Variants in CHST9 observed in about 807,000 individuals in gnomAD.
CHST9 encodes GalNAc-4-sulfotransferase 2.
A neutral mutation model predicts 44.4 loss-of-function variants in CHST9; 41 were observed. The observed-to-expected ratio is 0.92, with a 90% CI of 0.72 to 1.20. CHST9 has a LOEUF of 1.20. CHST9 is among the 50% of genes most tolerant of loss of function. The pLI is 0.00. For missense variants in CHST9, 504 were observed against 516.5 expected (o/e 0.98, Z 0.23); for synonymous variants, 171 against 178.4 (o/e 0.96, Z 0.33).
At chr18:27,157,319 T>A (rs373606814) in intron 1 of CHST9, among the ~76,000 whole-genome samples, 7 of 152,174 alleles carry the variant, frequency 4.6e-5, no homozygotes, top group East Asian at 1.9e-4. Flanking sequence ...CATAAAACTC[T>A]ATAAAACACT....
At chr18:27,006,731 T>C (rs1154206) in intron 4 of CHST9, among the ~76,000 whole-genome samples, 101,112 of 152,016 alleles carry the variant, frequency 0.67, 34,416 homozygotes, top group African/African-American at 0.81. Context: ...AATTTTTAGA[T>C]GTTATTTCGG....
intron 2 of CHST9, among the ~76,000 whole-genome samples, chr18:27,102,681 G>T (rs1367460523): frequency 6.6e-6 from 1 of 152,164 alleles, no homozygotes; most frequent in East Asian, 1.9e-4. Flanking sequence ...CTTTGGATGA[G>T]ATTGGGTTCC....
Position 26,916,604 on chromosome 18 carries a change from C to T in CHST9, c.987G>A (p.Lys329=), listed in dbSNP as rs781009083. ...EEALINGSGV[K]FKEFIHYLLD... is the part of the protein sequence containing the mutation. The stretch of plus-strand genomic sequence containing the variant: ...GCAAGTAGTGGATAAACTCTTTGAA[C>T]TTGACTCCAGATCCATTAATTAATG... Residue 329 remains lysine (K), a synonymous_variant, in exon 6 of 6, where the codon AAG becomes AAA. Transcript: ENST00000618847. 1.2e-6 allele frequency: 2 copies of T among 1,613,832 alleles called. No homozygotes were observed. Among genetic ancestry groups the T allele is most frequent in the South Asian group, 2.2e-5 (2 of 91,072 alleles).
intron 4 of CHST9, among the ~76,000 whole-genome samples, chr18:27,003,617 C>T (rs2056979069): frequency 6.6e-6 from 1 of 152,098 alleles, no homozygotes; most frequent in African/African-American, 2.4e-5. Flanking sequence ...GTTGCTGAGA[C>T]ATCTGATATT....
intron 2 of CHST9, among the ~76,000 whole-genome samples, chr18:27,067,777 G>A (rs551295394): frequency 1.3e-5 from 2 of 152,246 alleles, no homozygotes; most frequent in African/African-American, 2.4e-5. Context: ...TGCCTGTCCA[G>A]TTTAGTTTAT....
At chr18:27,000,800 C>T (rs1214405166) in intron 4 of CHST9, among the ~76,000 whole-genome samples, 3 of 152,296 alleles carry the variant, frequency 2.0e-5, no homozygotes, top group East Asian at 3.9e-4. Context: ...ACATCTCCAA[C>T]TCCCTCCTAC....
intron 3 of CHST9, among the ~76,000 whole-genome samples, chr18:27,047,413 T>TGTGC (rs2057515321): frequency 6.6e-6 from 1 of 151,772 alleles, no homozygotes; most frequent in Non-Finnish European, 1.5e-5. Context: ...TGTGTGTGTG[T>TGTGC]GTGTGTGTTC....
At chr18:27,137,243 AATTG>A (rs1406862386) in intron 2 of CHST9, among the ~76,000 whole-genome samples, 3 of 151,068 alleles carry the variant, frequency 2.0e-5, no homozygotes, top group Non-Finnish European at 2.9e-5. Context: ...ATTGACTCAT[AATTG>A]ATTATATTGA....
At chr18:27,025,257 A>T (rs1167552850) in intron 3 of CHST9, among the ~76,000 whole-genome samples, 1 of 150,702 alleles carries the variant, frequency 6.6e-6, no homozygotes, top group Non-Finnish European at 1.5e-5. Flanking sequence ...ATGCCTTTTA[A>T]AAAATATCTT....
chr18:26,920,324 C>G (rs1444857129), intron 5 of CHST9, among the ~76,000 whole-genome samples: 1 of 152,206 alleles, frequency 6.6e-6, no homozygotes, highest in South Asian at 2.1e-4. Context: ...GCATGACTGG[C>G]TCTTCATTCT....
intron 5 of CHST9, among the ~76,000 whole-genome samples, chr18:26,929,529 A>C (rs1446060177): frequency 6.6e-6 from 1 of 152,192 alleles, no homozygotes; most frequent in African/African-American, 2.4e-5. Context: ...CCAACTTCAG[A>C]TTAAGATGAC....
At chr18:27,086,458 A>C (rs1201254485) in intron 2 of CHST9, among the ~76,000 whole-genome samples, 1 of 152,226 alleles carries the variant, frequency 6.6e-6, no homozygotes, top group African/African-American at 2.4e-5. Flanking sequence ...CTCATTCCTA[A>C]TTGAGTATTT....
intron 2 of CHST9, among the ~76,000 whole-genome samples, chr18:27,130,747 A>C: frequency 6.6e-6 from 1 of 152,234 alleles, no homozygotes; most frequent in East Asian, 1.9e-4. Context: ...TATTCATATA[A>C]TGAAATATTA....
chr18:27,024,988 T>C (rs1291915760), intron 3 of CHST9, among the ~76,000 whole-genome samples: 2 of 151,110 alleles, frequency 1.3e-5, no homozygotes, highest in African/African-American at 4.8e-5. Context: ...AGAATGTAAT[T>C]ATATGACTAC....
intron 2 of CHST9, among the ~76,000 whole-genome samples, chr18:27,053,151 A>AGAAGAAGAAGAAGAG (rs2057593341): frequency 7.0e-6 from 1 of 142,398 alleles, no homozygotes; most frequent in Non-Finnish European, 1.5e-5. Flanking sequence ...AAGAAGAAGA[A>AGAAGAAGAAGAAGAG]GAAGAAGAAG....
intron 2 of CHST9, among the ~76,000 whole-genome samples, chr18:27,090,913 T>C (rs1266636632): frequency 6.6e-6 from 1 of 152,222 alleles, no homozygotes; most frequent in East Asian, 1.9e-4. Context: ...TGCTTAGGAT[T>C]GTCTTGCAAT....
At chr18:27,159,026 C>T (rs767026201) in intron 1 of CHST9, among the ~76,000 whole-genome samples, 12,453 of 104,448 alleles carry the variant, frequency 0.12, no homozygotes, top group East Asian at 0.21. Context: ...GTCAGATGAG[C>T]AGATTGCAAA....
chr18:27,006,432 A>G (rs189268163), intron 4 of CHST9, among the ~76,000 whole-genome samples: 4 of 152,282 alleles, frequency 2.6e-5, no homozygotes, highest in Non-Finnish European at 5.9e-5. Flanking sequence ...TGGGTCATGA[A>G]CTGAATCTAT....
chr18:26,996,765 G>A (rs1461458154), intron 4 of CHST9, among the ~76,000 whole-genome samples: 1 of 152,106 alleles, frequency 6.6e-6, no homozygotes, highest in East Asian at 1.9e-4. Flanking sequence ...GAAATGCATG[G>A]CTGTGTGCAT....
Sources: gnomAD v4.1 joint callset for allele counts (sites outside exome capture counted in the v4.1 genomes callset) on GRCh38, gnomAD v4.1.1 for gene constraint, MANE v1.5 for transcripts, NCBI Gene and HGNC (gene_info 2026-07-23, HGNC 2026-07-21) for gene names.